TENM3: variants seen among roughly 807,000 people sequenced by gnomAD.
TENM3 encodes the protein teneurin-3.
Under a neutral mutation model 255.1 loss-of-function variants are expected in TENM3, and 63 were observed. That is an observed-to-expected ratio of 0.25 (90% CI 0.20 to 0.30). The LOEUF (loss-of-function observed/expected upper bound fraction) is 0.30, where lower values mean the gene tolerates loss of function less well. Among genes scored for constraint, TENM3 ranks in the 10% least tolerant of loss-of-function variants. TENM3 has a pLI of 1.00. For synonymous variants in TENM3, 1,306 were observed against 1,322.3 expected (o/e 0.99, Z 0.27); for missense variants, 2,929 against 3,461.1 (o/e 0.85, Z 3.86).
At chr4:182,446,649 G>A (rs1423185603) in intron 3 of TENM3, among the ~76,000 whole-genome samples, 4 of 150,608 alleles carry the variant, frequency 2.7e-5, no homozygotes, top group African/African-American at 4.9e-5. Flanking sequence ...TTTAAGAGAC[G>A]GAGTCTCCCT....
the TENM3 span, among the ~76,000 whole-genome samples, chr4:181,936,746 A>G: frequency 6.6e-6 from 1 of 151,928 alleles, no homozygotes; most frequent in Admixed American, 6.6e-5. Flanking sequence ...GGCTTAATCT[A>G]GGGGACAGGA....
intron 3 of TENM3, among the ~76,000 whole-genome samples, chr4:182,557,987 G>A (rs942731005): frequency 7.9e-5 from 12 of 152,152 alleles, no homozygotes; most frequent in African/African-American, 2.7e-4. Context: ...TTTCTTTGGA[G>A]TATTAGAAAG....
the TENM3 span, among the ~76,000 whole-genome samples, chr4:181,622,677 AAAAT>A: frequency 2.6e-5 from 4 of 152,180 alleles, no homozygotes; most frequent in Non-Finnish European, 4.4e-5. Context: ...CTCCGTCTCA[AAAAT>A]AAATAAATAA....
At chr4:182,777,737 T>G (rs1042646823) in intron 24 of TENM3, among the ~76,000 whole-genome samples, 1 of 150,546 alleles carries the variant, frequency 6.6e-6, no homozygotes, top group Non-Finnish European at 1.5e-5. Flanking sequence ...TTTGTATTTT[T>G]AGTAGAGACG....
intron 3 of TENM3, among the ~76,000 whole-genome samples, chr4:182,469,275 T>C (rs1443257543): frequency 6.6e-6 from 1 of 152,192 alleles, no homozygotes; most frequent in African/African-American, 2.4e-5. Flanking sequence ...TTTCATAATT[T>C]TATTGTAATA....
the TENM3 span, among the ~76,000 whole-genome samples, chr4:181,699,015 G>A: frequency 6.6e-6 from 1 of 152,112 alleles, no homozygotes; most frequent in African/African-American, 2.4e-5. Context: ...GAAGTAAGTA[G>A]AAGAACAAAG....
the TENM3 span, among the ~76,000 whole-genome samples, chr4:181,794,766 T>A: frequency 6.6e-6 from 1 of 151,722 alleles, no homozygotes; most frequent in South Asian, 2.1e-4. Context: ...CTAGGTCGGG[T>A]TGGATCCAAG....
At chr4:182,621,441 A>G (rs370222281) in intron 4 of TENM3, among the ~76,000 whole-genome samples, 99 of 150,122 alleles carry the variant, frequency 6.6e-4, no homozygotes, top group African/African-American at 2.3e-3. Context: ...ACAGGTCCCA[A>G]TCTGAGGAGG....
chr4:181,595,563 G>A, the TENM3 span, among the ~76,000 whole-genome samples: 1 of 151,802 alleles, frequency 6.6e-6, no homozygotes, highest in Admixed American at 6.6e-5. Flanking sequence ...GCTTGTTAGT[G>A]ATATACAATC....
the TENM3 span, among the ~76,000 whole-genome samples, chr4:182,105,695 T>A: frequency 1.4e-4 from 21 of 152,278 alleles, 1 homozygote; most frequent in South Asian, 4.2e-3. Context: ...GCCAACCAGC[T>A]AAGCTCACCC....
the TENM3 span, among the ~76,000 whole-genome samples, chr4:181,638,635 C>T: frequency 2.6e-5 from 4 of 152,168 alleles, no homozygotes; most frequent in Non-Finnish European, 5.9e-5. Flanking sequence ...CTTTTTGCTA[C>T]TGTACTCCAT....
chr4:182,567,842 CAAAAA>C (rs199801857), intron 3 of TENM3, among the ~76,000 whole-genome samples: 1 of 127,278 alleles, frequency 7.9e-6, no homozygotes, highest in Admixed American at 8.1e-5. Flanking sequence ...GAATGTAATC[CAAAAA>C]AAAAAAAAAA....
chr4:182,270,769 A>G (rs1317077432), intron 1 of TENM3, among the ~76,000 whole-genome samples: 12 of 152,226 alleles, frequency 7.9e-5, no homozygotes, highest in South Asian at 2.1e-4. Flanking sequence ...AAATTCATCA[A>G]TGCTTACAGT....
the TENM3 span, among the ~76,000 whole-genome samples, chr4:181,810,526 A>G: frequency 6.6e-6 from 1 of 152,002 alleles, no homozygotes; most frequent in African/African-American, 2.4e-5. Flanking sequence ...TTTAGAATCA[A>G]CAAATGTTTT....
the TENM3 span, among the ~76,000 whole-genome samples, chr4:181,871,468 T>C: frequency 2.0e-5 from 3 of 152,076 alleles, no homozygotes; most frequent in African/African-American, 7.2e-5. Flanking sequence ...TATAGATTCC[T>C]TTGAATATTT....
At chr4:182,471,124 A>G (rs1301721161) in intron 3 of TENM3, among the ~76,000 whole-genome samples, 6 of 152,230 alleles carry the variant, frequency 3.9e-5, no homozygotes, top group Non-Finnish European at 8.8e-5. Context: ...AGAGGAAAAT[A>G]AAGATAATCT....
intron 1 of TENM3, among the ~76,000 whole-genome samples, chr4:182,217,251 A>G (rs1348251740): frequency 6.6e-6 from 1 of 151,126 alleles, no homozygotes. Flanking sequence ...AAAATCCTGA[A>G]CTCAGGTGAT....
chr4:181,888,591 C>CGTGTGTGTGTGTGTGTGTGTGTGTGT, the TENM3 span, among the ~76,000 whole-genome samples: 2 of 90,176 alleles, frequency 2.2e-5, no homozygotes, highest in African/African-American at 9.8e-5. Context: ...TATATATATG[C>CGTGTGTGTGTGTGTGTGTGTGTGTGT]GTGTGTGTGT....
intron 25 of TENM3, among the ~76,000 whole-genome samples, chr4:182,790,081 G>C (rs867894872): frequency 8.5e-5 from 13 of 152,116 alleles, no homozygotes; most frequent in Admixed American, 1.3e-4. Flanking sequence ...TAAAAGAAAG[G>C]GAAGAAAAAG....
Sources: allele counts gnomAD v4.1 joint callset (sites outside exome capture counted in the v4.1 genomes callset), GRCh38; gene constraint gnomAD v4.1.1; transcripts MANE v1.5; gene names NCBI Gene and HGNC (gene_info 2026-07-23, HGNC 2026-07-21).